TRA2A: variants seen among roughly 807,000 people sequenced by gnomAD.
The protein encoded by TRA2A is transformer-2 protein homolog alpha.
A neutral mutation model predicts 45.7 loss-of-function variants in TRA2A; 31 were observed. That is an observed-to-expected ratio of 0.68 (90% CI 0.51 to 0.92). The LOEUF (loss-of-function observed/expected upper bound fraction) is 0.92, where lower values mean the gene tolerates loss of function less well. Among genes scored for constraint, TRA2A ranks in the 40% least tolerant of loss-of-function variants. The probability of loss-of-function intolerance (pLI) is 0.00; values close to 1 mark genes in which losing one functional copy is unlikely to be tolerated. For missense variants in TRA2A, 304 were observed against 367.5 expected (o/e 0.83, Z 1.41); for synonymous variants, 132 against 126.2 (o/e 1.05, Z -0.31).
chr7:23,526,820 T>A (rs1231641239), intron 1 of TRA2A, among the ~76,000 whole-genome samples: 1 of 152,204 alleles, frequency 6.6e-6, no homozygotes, highest in Non-Finnish European at 1.5e-5. Context: ...GTGGTCTTTA[T>A]CTGCAAAGAC....
At chr7:23,506,094 A>C (rs746925222) in intron 6 of TRA2A, 44 bp downstream of exon 6, 8 of 1,518,030 alleles carry the variant, frequency 5.3e-6, no homozygotes, top group Non-Finnish European at 5.4e-6. Flanking sequence ...AAGTAACACT[A>C]CTATCATCTA....
Position 23,524,693 on chromosome 7 carries a change from ATT to A in TRA2A, c.37-2855_37-2854del, listed in dbSNP as rs10707106. Among the ~76,000 whole-genome samples, 755 of 142,942 alleles carry A rather than the reference ATT, an allele frequency of 5.3e-3. 3 individuals carry two copies. The highest frequency in any genetic ancestry group is 0.014 in the Middle Eastern group (4 of 278). The allele number at this position is 142,942 out of a possible 152,430, so 93.8% of individuals were successfully genotyped here. On this transcript the variant is annotated intron_variant, in intron 1 of 7. Coordinates refer to ENST00000297071, the MANE Select transcript of TRA2A (RefSeq NM_013293.5). ...CAAAGTTGTCACTATGATTTTAACT[ATT>A]TTTTTTTTTTTTGAGATGGAGTCTT...
rs1789261662 is a variant in TRA2A, at chr7:23,505,280, A to G, written c.*279T>C. ...TGATTAGCTAGAAGTTTATCTAGGT[A>G]AAAGCAAAAAAAAAAATTTACAAAG... On this transcript the variant is annotated 3_prime_UTR_variant, in exon 8 of 8. Coordinates refer to ENST00000297071, the MANE Select transcript of TRA2A (RefSeq NM_013293.5). The G allele has an allele frequency of 5.7e-6, 2 of 353,170 alleles. No homozygotes were observed. The highest frequency in any genetic ancestry group is 8.3e-5 in the East Asian group (2 of 24,216). 21.9% of individuals were successfully genotyped at this position (353,170 alleles called of 1,614,324 possible).
At chr7:23,511,401 A>AG (rs1789608509) in intron 4 of TRA2A, among the ~76,000 whole-genome samples, 1 of 44,314 alleles carries the variant, frequency 2.3e-5, no homozygotes, top group Non-Finnish European at 4.8e-5. Flanking sequence ...AAAAAAAAAA[A>AG]AAAAAAAAAG....
chr7:23,507,153 T>G, intron 5 of TRA2A: 1 of 420,978 alleles, frequency 2.4e-6, no homozygotes. Context: ...TGAGAAAGAG[T>G]CTCACTCTGT....
chr7:23,506,137 C>T lies in TRA2A; in HGVS notation c.770+1G>A. The T allele has an allele frequency of 6.2e-7, 1 of 1,603,398 alleles. No homozygotes were observed. Among genetic ancestry groups the T allele is most frequent in the Non-Finnish European group, 8.5e-7 (1 of 1,172,764 alleles). ...ACAGAAAGCTCAAGTTAAAACATTA[C>T]CTGTATCGGTAATCATAGTCTTCAT... On this transcript the variant is annotated splice_donor_variant, in intron 6 of 7. Transcript: ENST00000297071. LOFTEE classifies it high-confidence loss of function.
At chr7:23,529,693 G>A (rs1030007463) in intron 1 of TRA2A, among the ~76,000 whole-genome samples, 2 of 152,112 alleles carry the variant, frequency 1.3e-5, no homozygotes, top group Non-Finnish European at 2.9e-5. Context: ...TACAACAGGT[G>A]AGCCTACAAG....
chr7:23,512,739 T>C (rs1381665326), intron 4 of TRA2A, among the ~76,000 whole-genome samples, 155 bp downstream of exon 4: 2 of 145,510 alleles, frequency 1.4e-5, no homozygotes, highest in Admixed American at 1.4e-4. Flanking sequence ...ATTACAGACA[T>C]GAGCCACCGC....
chr7:23,531,873 A>G lies in TRA2A; in HGVS notation c.-49T>C, dbSNP rs765408361. The stretch of plus-strand genomic sequence containing the variant: ...TAAATAAGAGACAAGTCTCGGCTCG[A>G]GGGCCGATGGCCTAATTAACCCGCT... On this transcript the variant is annotated 5_prime_UTR_variant, in exon 1 of 8. Coordinates refer to ENST00000297071, the MANE Select transcript of TRA2A (RefSeq NM_013293.5). 2.5e-6 allele frequency: 4 copies of G among 1,605,068 alleles called. No homozygotes were observed. In the Admixed American group the frequency reaches 5.0e-5, roughly 20 times the overall value.
chr7:23,530,384 C>A (rs984169753), intron 1 of TRA2A, among the ~76,000 whole-genome samples: 4 of 152,174 alleles, frequency 2.6e-5, no homozygotes, highest in Non-Finnish European at 5.9e-5. Context: ...TCAAAGAGAA[C>A]TAAAGCCTAA....
intron 3 of TRA2A, among the ~76,000 whole-genome samples, chr7:23,514,259 G>A (rs1789759653): frequency 6.6e-6 from 1 of 151,680 alleles, no homozygotes; most frequent in Non-Finnish European, 1.5e-5. Context: ...GTAGAGATGG[G>A]GTTTCTCCAT....
chr7:23,525,313 CAA>C (rs1423595081), intron 1 of TRA2A, among the ~76,000 whole-genome samples: 2 of 152,084 alleles, frequency 1.3e-5, no homozygotes, highest in Non-Finnish European at 2.9e-5. Context: ...AAATTGCAAA[CAA>C]AAAAGATTGC....
At chr7:23,518,233 A>G (rs1042048811) in intron 2 of TRA2A, among the ~76,000 whole-genome samples, 13 of 151,788 alleles carry the variant, frequency 8.6e-5, no homozygotes, top group South Asian at 2.1e-4. Flanking sequence ...AAAGTTCTAC[A>G]TTCCCCTCTC....
Position 23,510,836 on chromosome 7 carries a change from G to GT in TRA2A, c.525+2057dup, listed in dbSNP as rs552505966. ...AAAGGAATATATAAATCACAAATACGTAACAGTAAAAAAAAAAATCATAAG... is the reference window on the plus strand; with the variant it reads ...AAAGGAATATATAAATCACAAATACGTTAACAGTAAAAAAAAAAATCATAAG... On this transcript the variant is annotated intron_variant, in intron 4 of 7. Coordinates refer to ENST00000297071, the MANE Select transcript of TRA2A (RefSeq NM_013293.5). 1.3e-4 allele frequency among the ~76,000 whole-genome samples: 19 copies of GT among 151,228 alleles called. 1 individual carries two copies. The highest frequency in any genetic ancestry group is 3.7e-4 in the African/African-American group (15 of 40,954).
chr7:23,511,114 G>A (rs1248068587), intron 4 of TRA2A, among the ~76,000 whole-genome samples: 1 of 152,018 alleles, frequency 6.6e-6, no homozygotes, highest in Non-Finnish European at 1.5e-5. Context: ...GCTCACACCT[G>A]TAATTCCAAC....
chr7:23,506,261 C>T lies in TRA2A; in HGVS notation c.647G>A (p.Gly216Asp). Residue 216 changes from glycine to aspartate, a missense_variant, in exon 6 of 8, where the codon GGT becomes GAT. Transcript: ENST00000297071. ...GIYMGRPTHSGGGGGGGGGGG... is the reference protein window; with the variant it reads ...GIYMGRPTHSDGGGGGGGGGG... ...GCCGCCGCCTCCTCCACCACCCCCA[C>T]CACTACTGCAGAAAAATGTAAAAAT... The T allele has an allele frequency of 6.2e-7, 1 of 1,604,310 alleles. No homozygotes were observed. Among genetic ancestry groups the T allele is most frequent in the Non-Finnish European group, 8.5e-7 (1 of 1,175,214 alleles).
In TRA2A at chr7:23,531,714, C is replaced by G; in HGVS notation, c.36+75G>C. Reference sequence around the variant, plus strand: ...CCTCGCGGGACTACCCGCAACCCCGCCCGACCGCGCTTGTTCCCGTGAAAC... The same window carrying G: ...CCTCGCGGGACTACCCGCAACCCCGGCCGACCGCGCTTGTTCCCGTGAAAC... On this transcript the variant is annotated intron_variant, in intron 1 of 7. Coordinates refer to ENST00000297071, the MANE Select transcript of TRA2A (RefSeq NM_013293.5). The G allele has an allele frequency of 3.2e-6, 5 of 1,570,812 alleles. No individual in the cohort carries two copies. The East Asian group carries it at 8.9e-5, about 28-fold the overall frequency.
At chr7:23,508,732 G>A (rs1455140046) in intron 4 of TRA2A, among the ~76,000 whole-genome samples, 1 of 152,158 alleles carries the variant, frequency 6.6e-6, no homozygotes, top group Non-Finnish European at 1.5e-5. Flanking sequence ...TTGACCTTGT[G>A]ATCCTCCTGC....
At position 23,513,091 on chromosome 7, in the gene TRA2A, T is replaced by C. The variant is rs1052228446; in HGVS notation, c.337-9A>G. The C allele has an allele frequency of 1.3e-6, 2 of 1,569,938 alleles. No homozygotes were observed. The highest frequency in any genetic ancestry group is 1.7e-6 in the Non-Finnish European group (2 of 1,159,302). On this transcript the variant is annotated splice_polypyrimidine_tract_variant and intron_variant, in intron 3 of 7. Transcript: ENST00000297071. ...TTGGGATCTGGATTTGCCTATTGAA[T>C]GGAAATATTATTTAAAACTCCAAAT...
Sources: allele counts gnomAD v4.1 joint callset (sites outside exome capture counted in the v4.1 genomes callset), GRCh38; gene constraint gnomAD v4.1.1; transcripts MANE v1.5; gene names NCBI Gene and HGNC (gene_info 2026-07-23, HGNC 2026-07-21).